The following HIP1 variants were observed in gnomAD, a reference collection of about 807,000 sequenced individuals.
The protein encoded by HIP1 is huntingtin-interacting protein 1.
In HIP1, 65 loss-of-function variants were observed where a neutral mutation model predicts 147.6. The ratio of observed to expected loss-of-function variants is 0.44; its 90% CI spans 0.36 to 0.54. The LOEUF (loss-of-function observed/expected upper bound fraction) is 0.54, where lower values mean the gene tolerates loss of function less well. HIP1 is among the 20% of genes least tolerant of loss of function. The pLI, the probability that HIP1 is intolerant of heterozygous loss-of-function variation, is 0.00. For synonymous variants in HIP1, 479 were observed against 504.0 expected, an observed-to-expected ratio of 0.95 and a Z score of 0.67; for missense variants, 1,061 against 1,299.6, an observed-to-expected ratio of 0.82 and a Z score of 2.82.
chr7:75,704,331 C>T (rs951451608), intron 1 of HIP1, among the ~76,000 whole-genome samples: 9 of 152,126 alleles, frequency 5.9e-5, no homozygotes, highest in Admixed American at 2.0e-4. Flanking sequence ...CTGCAACCTC[C>T]GCCTCCCGGT....
At chr7:75,706,473 C>T (rs1328943140) in intron 1 of HIP1, among the ~76,000 whole-genome samples, 1 of 138,094 alleles carries the variant, frequency 7.2e-6, no homozygotes, top group Non-Finnish European at 1.5e-5. Flanking sequence ...TATATATCTT[C>T]TTTTTTTTTA....
At chr7:75,619,511 G>A (rs1554506637) in intron 1 of HIP1, among the ~76,000 whole-genome samples, 1 of 79,826 alleles carries the variant, frequency 1.3e-5, no homozygotes, top group African/African-American at 8.8e-5. Flanking sequence ...GCAAGACTTT[G>A]TCTCAAAAAA....
chr7:75,607,839 C>G (rs587638329), intron 1 of HIP1, among the ~76,000 whole-genome samples: 1 of 152,048 alleles, frequency 6.6e-6, no homozygotes, highest in African/African-American at 2.4e-5. Flanking sequence ...ATCACAACCT[C>G]GGCACTAGAC....
At chr7:75,557,513 G>T in intron 16 of HIP1, 141 bp downstream of exon 16, 1 of 715,572 alleles carries the variant, frequency 1.4e-6, no homozygotes, top group Non-Finnish European at 2.5e-6. Flanking sequence ...TTGCTGTTCT[G>T]TGTGGCCACC....
intron 1 of HIP1, among the ~76,000 whole-genome samples, chr7:75,680,106 G>C (rs1023490100): frequency 1.7e-4 from 26 of 152,258 alleles, no homozygotes; most frequent in African/African-American, 5.5e-4. Context: ...GCAGTGGCAC[G>C]ATCTCAGCTC....
intron 22 of HIP1, among the ~76,000 whole-genome samples, chr7:75,549,531 C>A (rs587612352): frequency 2.6e-5 from 4 of 151,632 alleles, no homozygotes; most frequent in South Asian, 4.2e-4. Flanking sequence ...CCACCATGCC[C>A]AGCTAATTTT....
At position 75,568,547 on chromosome 7, in the gene HIP1, A is replaced by G. The variant is rs1795497456; in HGVS notation, c.746-291T>C. On this transcript the variant is annotated intron_variant, in intron 8 of 30. Coordinates refer to ENST00000336926, the MANE Select transcript of HIP1 (RefSeq NM_005338.7). The surrounding 1 kb of genome is among the most constrained non-coding windows in gnomAD (Gnocchi z 4.1). ...GAAATTGTGTCCTGGACTAGAGAAG[A>G]AATGGTGACCTGACCCAGTAGCAGG... 6.6e-6 allele frequency among the ~76,000 whole-genome samples: 1 copy of G among 152,226 alleles called. No individual in the cohort carries two copies. The highest frequency in any genetic ancestry group is 1.5e-5 in the Non-Finnish European group (1 of 68,030).
At chr7:75,648,099 C>T (rs140179161) in intron 1 of HIP1, among the ~76,000 whole-genome samples, 280 of 152,348 alleles carry the variant, frequency 1.8e-3, no homozygotes, top group Admixed American at 4.1e-3. Flanking sequence ...GTGCAAAGCA[C>T]TGGGCACTTC....
At chr7:75,576,713 A>G (rs1174092202) in intron 7 of HIP1, among the ~76,000 whole-genome samples, 2 of 152,140 alleles carry the variant, frequency 1.3e-5, no homozygotes, top group African/African-American at 4.8e-5. Flanking sequence ...CGTTTCAGAG[A>G]AAACAAAAAC....
In HIP1 at chr7:75,638,011, C is replaced by T. The variant is rs868922148; in HGVS notation, c.121-38764G>A. On this transcript the variant is annotated intron_variant, in intron 1 of 30. Coordinates refer to ENST00000336926, the MANE Select transcript of HIP1 (RefSeq NM_005338.7). ...CCCCCCCCACACACACACATACACACACACACACACACACACACACACAGC... is the reference window on the plus strand; with the variant it reads ...CCCCCCCCACACACACACATACACATACACACACACACACACACACACAGC... Among the ~76,000 whole-genome samples, 420 of 94,534 alleles carry T rather than the reference C, an allele frequency of 4.4e-3. 7 individuals are homozygous for T. Among genetic ancestry groups the T allele is most frequent in the Middle Eastern group, 0.03 (5 of 168 alleles). The allele number at this position is 94,534 out of a possible 152,430, so 62.0% of individuals were successfully genotyped here.
Position 75,538,059 on chromosome 7 carries a change from G to A in HIP1, c.*113C>T, listed in dbSNP as rs1794153404. 1 of 825,662 alleles carries A rather than the reference G, an allele frequency of 1.2e-6. No homozygotes were observed. Among genetic ancestry groups the A allele is most frequent in the South Asian group, 1.4e-5 (1 of 73,408 alleles). The allele number at this position is 825,662 out of a possible 1,614,324, so 51.1% of individuals were successfully genotyped here. A position where few individuals can be genotyped will look rare whatever the true frequency, so the allele number is the denominator to read the frequency against. On this transcript the variant is annotated 3_prime_UTR_variant, in exon 31 of 31. Transcript: ENST00000336926. Reference sequence around the variant, plus strand: ...TGCATGTCCTCGGCACTGGGTAATGGCAGTGGTGTGGCTGCCCCTGGGACT... The same window carrying A: ...TGCATGTCCTCGGCACTGGGTAATGACAGTGGTGTGGCTGCCCCTGGGACT...
Position 75,592,062 on chromosome 7 carries a change from C to A in HIP1, c.378G>T (p.Arg126Ser). Residue 126 changes from arginine (R) to serine (S), a missense_variant, in exon 4 of 31, where the codon AGG becomes AGT. This residue lies in a region of HIP1 where 225 missense variants were observed against 292.9 expected (regional missense o/e 0.77). Transcript: ENST00000336926. The stretch of plus-strand genomic sequence containing the variant: ...AGTACATCTCCAAACTCACCCACAT[C>A]CTGCTCATGTCACTCAATTCATTTC... The part of the protein sequence containing the change: ...RYRNELSDMS[R>S]MWGHLSEGYG... 1 of 1,614,014 alleles carries A rather than the reference C, an allele frequency of 6.2e-7. No homozygotes were observed. Among genetic ancestry groups the A allele is most frequent in the Admixed American group, 1.7e-5 (1 of 60,020 alleles).
chr7:75,552,767 T>C (rs782414269), intron 22 of HIP1, among the ~76,000 whole-genome samples: 1 of 152,268 alleles, frequency 6.6e-6, no homozygotes, highest in African/African-American at 2.4e-5. Flanking sequence ...TTCTTTGATA[T>C]TGCCTAGTGT....
intron 19 of HIP1, 97 bp downstream of exon 19, chr7:75,555,319 G>A (rs1794956071): frequency 1.4e-6 from 2 of 1,438,020 alleles, no homozygotes; most frequent in Admixed American, 1.8e-5. Context: ...CTGCTGGGCT[G>A]AGAGCCCCTG....
rs541852207 is a variant in HIP1 at position 75,702,885 on chromosome 7, T to C, written c.120+35916A>G. On this transcript the variant is annotated intron_variant, in intron 1 of 30. Coordinates refer to ENST00000336926, the MANE Select transcript of HIP1 (RefSeq NM_005338.7). ...CTCACTCATCCCCACCCCGCAGGGA[T>C]GGCATTAACCTATTCATGAGGTATC... 5.9e-5 allele frequency among the ~76,000 whole-genome samples: 9 copies of C among 152,264 alleles called. 1 individual carries two copies. In the South Asian group the frequency reaches 1.7e-3, roughly 28 times the overall value.
Position 75,567,331 on chromosome 7 carries a change from G to A in HIP1, c.803+868C>T, listed in dbSNP as rs587655597. The stretch of plus-strand genomic sequence containing the variant: ...TAAATGCTATAAGACCAGAACTTAG[G>A]GAGACAGAAAAGAGAAGAGGATGAA... On this transcript the variant is annotated intron_variant, in intron 9 of 30. Transcript: ENST00000336926. Among the ~76,000 whole-genome samples, 14 of 151,224 alleles carry A rather than the reference G, an allele frequency of 9.3e-5. No individual in the cohort carries two copies. In the East Asian group the frequency reaches 2.3e-3, roughly 25 times the overall value.
At chr7:75,647,377 G>A (rs561658542) in intron 1 of HIP1, among the ~76,000 whole-genome samples, 2 of 152,034 alleles carry the variant, frequency 1.3e-5, no homozygotes, top group Non-Finnish European at 2.9e-5. Context: ...CAGCCTGGGT[G>A]ACAGAGAGAG....
chr7:75,721,493 C>T (rs1801502869), intron 1 of HIP1, among the ~76,000 whole-genome samples: 1 of 151,576 alleles, frequency 6.6e-6, no homozygotes. Flanking sequence ...CACACCACTG[C>T]ACTCCAGCCT....
chr7:75,689,430 G>C (rs549096446), intron 1 of HIP1, among the ~76,000 whole-genome samples: 249 of 152,102 alleles, frequency 1.6e-3, no homozygotes, highest in Middle Eastern at 0.014. Context: ...CTTGAAACTG[G>C]GAGGGGGAGG....
Sources: allele counts gnomAD v4.1 joint callset (sites outside exome capture counted in the v4.1 genomes callset), GRCh38; gene constraint gnomAD v4.1.1; regional missense constraint gnomAD v4.1.1; non-coding constraint Gnocchi (gnomAD v3.1); transcripts MANE v1.5; gene names NCBI Gene and HGNC (gene_info 2026-07-23, HGNC 2026-07-21).